The following STARD9 variants were observed in gnomAD, a reference collection of about 807,000 sequenced individuals.
The protein encoded by STARD9 is StAR related lipid transfer domain containing 9, also known as stAR-related lipid transfer protein 9.
Under a neutral mutation model 399.8 loss-of-function variants are expected in STARD9, and 346 were observed. The observed-to-expected ratio is 0.87, with a 90% CI of 0.79 to 0.95. The LOEUF (loss-of-function observed/expected upper bound fraction) is 0.95. STARD9 is among the 40% of genes least tolerant of loss of function. The pLI is 0.00. For synonymous variants in STARD9, 2,203 were observed against 2,143.5 expected (o/e 1.03, Z -0.77); for missense variants, 5,832 against 5,667.5 (o/e 1.03, Z -0.93).
Position 42,690,146 on chromosome 15 carries a change from T to C in STARD9, c.8568T>C (p.Ile2856=). The stretch of plus-strand genomic sequence containing the variant: ...GGGCAAGTCCCAAACAAGATACCAT[T>C]CTGCCTGGAGCTCTGACAAGGGTTG... The part of the protein sequence containing the change: ...EGRASPKQDT[I]LPGALTRVAL... Residue 2856 remains isoleucine (I), a synonymous_variant, in exon 23 of 33, where the codon ATT becomes ATC. Transcript: ENST00000290607. 1 of 1,537,806 alleles carries C rather than the reference T, an allele frequency of 6.5e-7. No individual in the cohort carries two copies. The highest frequency in any genetic ancestry group is 1.2e-5 in the South Asian group (1 of 84,042).
Position 42,638,068 on chromosome 15 carries a change from T to C in STARD9, c.427T>C (p.Ser143Pro). The change falls in exon 6 of 33, where the codon TCC becomes CCC. Residue 143 changes from serine to proline, a missense_variant. Around this residue, in one of 2 missense-constraint regions of STARD9, gnomAD observed 5,828 missense variants for 5,651.1 expected, o/e 1.03. Transcript: ENST00000290607. ...REKDCASLPS[S>P]CRIKVSFLEI... ...GAAAGACTGTGCCTCACTGCCTTCC[T>C]CCTGTAGGATAAAAGTAAGGTAAGA... is the stretch of plus-strand genomic sequence containing the variant. The C allele has an allele frequency of 1.3e-6, 2 of 1,537,240 alleles. No individual in the cohort carries two copies. The highest frequency in any genetic ancestry group is 1.7e-6 in the Non-Finnish European group (2 of 1,146,926).
Position 42,685,396 on chromosome 15 carries a change from G to A in STARD9, c.3818G>A (p.Ser1273Asn). 1 of 1,537,052 alleles carries A rather than the reference G, an allele frequency of 6.5e-7. No homozygotes were observed. Among genetic ancestry groups the A allele is most frequent in the Non-Finnish European group, 8.7e-7 (1 of 1,146,784 alleles). ...CTGGATGCCGTCCTGCCAATGAGCA[G>A]TTCGTTTTACCTTGATCCTCAGTTC... ...ARLDAVLPMS[S>N]SFYLDPQFQP... Residue 1273 changes from serine to asparagine, a missense_variant, in exon 23 of 33, where the codon AGT (serine) becomes AAT (asparagine). Ser to Asn is a conservative substitution (Grantham distance 46). Around this residue, in one of 2 missense-constraint regions of STARD9, gnomAD observed 5,828 missense variants for 5,651.1 expected, o/e 1.03. Coordinates refer to ENST00000290607, the MANE Select transcript of STARD9 (RefSeq NM_020759.3).
At chr15:42,622,109 A>G (rs932151273) in intron 3 of STARD9, among the ~76,000 whole-genome samples, 2 of 152,008 alleles carry the variant, frequency 1.3e-5, no homozygotes, top group African/African-American at 2.4e-5. Context: ...CTCCTAATTT[A>G]TAACTCCTTT....
In STARD9 at chr15:42,651,065, G is replaced by C. The variant is rs985617275; in HGVS notation, c.609G>C (p.Leu203Phe). The C allele has an allele frequency of 2.7e-5, 41 of 1,534,416 alleles. No homozygotes were observed. The highest frequency in any genetic ancestry group is 3.5e-5 in the Non-Finnish European group (40 of 1,145,028). The change falls in exon 8 of 33, where the codon TTG becomes TTC. Residue 203 changes from leucine (L) to phenylalanine (F), a missense_variant. Leu to Phe is a conservative substitution (Grantham distance 22). Around this residue, in one of 2 missense-constraint regions of STARD9, gnomAD observed 5,828 missense variants for 5,651.1 expected, o/e 1.03. Coordinates refer to ENST00000290607, the MANE Select transcript of STARD9 (RefSeq NM_020759.3). ...VTNYKQVIQLLEEGIANRITA... is the reference protein window; with the variant it reads ...VTNYKQVIQLFEEGIANRITA... ...ATTATAAGCAAGTAATCCAACTCTTGGAGGAGGGAATTGCAAACAGGTAAC... is the reference window on the plus strand; with the variant it reads ...ATTATAAGCAAGTAATCCAACTCTTCGAGGAGGGAATTGCAAACAGGTAAC...
Position 42,687,413 on chromosome 15 carries a change from T to G in STARD9, c.5835T>G (p.Val1945=). Residue 1945 remains valine (V), a synonymous_variant, in exon 23 of 33, where the codon GTT becomes GTG. Transcript: ENST00000290607. Reference sequence around the variant, plus strand: ...AAGACATGCCAGGGGAAAGTGCTGTTTCTTTGAAATCCAGATCAGTAGATC... The same window carrying G: ...AAGACATGCCAGGGGAAAGTGCTGTGTCTTTGAAATCCAGATCAGTAGATC... ...LEKDMPGESA[V]SLKSRSVDRR... The G allele has an allele frequency of 6.5e-7, 1 of 1,537,060 alleles. No individual in the cohort carries two copies. Among genetic ancestry groups the G allele is most frequent in the South Asian group, 1.2e-5 (1 of 84,064 alleles).
In STARD9 at chr15:42,689,895, C is replaced by T. The variant is rs969419398; in HGVS notation, c.8317C>T (p.Pro2773Ser). ...TCCGCAGGAGACTGCAGAGGGCATA[C>T]CCCCTGGCAGTCAGGACAGCAGCCC... Reference protein sequence around the residue: ...SVPQETAEGIPPGSQDSSPEH... With the variant: ...SVPQETAEGISPGSQDSSPEH... The change falls in exon 23 of 33, where the codon CCC becomes TCC. Residue 2773 changes from proline to serine, a missense_variant. This residue lies in a region of STARD9 where 5,828 missense variants were observed against 5,651.1 expected (regional missense o/e 1.03). Coordinates refer to ENST00000290607, the MANE Select transcript of STARD9 (RefSeq NM_020759.3). 12 of 1,537,462 alleles carry T rather than the reference C, an allele frequency of 7.8e-6. No homozygotes were observed. The highest frequency in any genetic ancestry group is 1.4e-5 in the African/African-American group (1 of 73,028).
chr15:42,648,763 C>A (rs1447782776), intron 7 of STARD9, among the ~76,000 whole-genome samples: 1 of 151,954 alleles, frequency 6.6e-6, no homozygotes, highest in Non-Finnish European at 1.5e-5. Context: ...TTTTTTCCCC[C>A]CTTCCCTCCA....
At chr15:42,673,471 G>T (rs537892522) in intron 16 of STARD9, among the ~76,000 whole-genome samples, 3 of 152,236 alleles carry the variant, frequency 2.0e-5, no homozygotes, top group Admixed American at 1.3e-4. Flanking sequence ...CGAAAAAGCT[G>T]CAGGGGCTTA....
In STARD9 at chr15:42,647,831, A is replaced by G. The variant is rs562202651; in HGVS notation, c.560-3185A>G. On this transcript the variant is annotated intron_variant, in intron 7 of 32. Coordinates refer to ENST00000290607, the MANE Select transcript of STARD9 (RefSeq NM_020759.3). The stretch of plus-strand genomic sequence containing the variant: ...TTTCGTTACTTTGTCTTTTGGTTTG[A>G]TAACTTTAAAAAATTATTCCATATT... Among the ~76,000 whole-genome samples, 13 of 152,136 alleles carry G rather than the reference A, an allele frequency of 8.5e-5. No homozygotes were observed. The East Asian group carries it at 2.3e-3, about 27-fold the overall frequency.
chr15:42,584,130 G>A (rs1263706824), intron 2 of STARD9, among the ~76,000 whole-genome samples: 1 of 151,980 alleles, frequency 6.6e-6, no homozygotes, highest in Non-Finnish European at 1.5e-5. Flanking sequence ...CTGACCATGT[G>A]ACTTTTGCTA....
chr15:42,599,622 G>A (rs923389497), intron 3 of STARD9, among the ~76,000 whole-genome samples: 14 of 152,272 alleles, frequency 9.2e-5, no homozygotes, highest in African/African-American at 3.1e-4. Context: ...TAAAGTTAAT[G>A]CTCTTTGGAT....
intron 3 of STARD9, among the ~76,000 whole-genome samples, chr15:42,625,971 G>C (rs2059199106): frequency 6.6e-6 from 1 of 151,376 alleles, no homozygotes; most frequent in African/African-American, 2.4e-5. Flanking sequence ...GCCCAGGCTG[G>C]AGCACAGTGG....
intron 3 of STARD9, among the ~76,000 whole-genome samples, chr15:42,608,019 A>C (rs752286408): frequency 1.6e-4 from 25 of 152,002 alleles, no homozygotes; most frequent in Middle Eastern, 3.4e-3. Context: ...TCTCTTTTCC[A>C]TTATCTTATT....
At chr15:42,583,078 C>A (rs9783683) in intron 1 of STARD9, among the ~76,000 whole-genome samples, 81,851 of 152,096 alleles carry the variant, frequency 0.54, 27,094 homozygotes, top group Non-Finnish European at 0.72. Flanking sequence ...AGATGAAGAA[C>A]AATATGTAGT....
chr15:42,644,264 C>T (rs976738098), intron 7 of STARD9, among the ~76,000 whole-genome samples: 2 of 152,172 alleles, frequency 1.3e-5, no homozygotes, highest in African/African-American at 4.8e-5. Context: ...GAGGCTGAGG[C>T]AGGCAGATCA....
Position 42,655,634 on chromosome 15 carries a change from C to T in STARD9, c.702+3042C>T, listed in dbSNP as rs952392728. On this transcript the variant is annotated intron_variant, in intron 9 of 32. Transcript: ENST00000290607. Reference sequence around the variant, plus strand: ...TATAAGACCTGAAACCATAAAAATTCTAGAAGATAACATTGGAAAAATCCT... The same window carrying T: ...TATAAGACCTGAAACCATAAAAATTTTAGAAGATAACATTGGAAAAATCCT... Among the ~76,000 whole-genome samples the T allele has an allele frequency of 1.6e-4, 24 of 152,260 alleles. No homozygotes were observed. The East Asian group carries it at 4.2e-3, about 27-fold the overall frequency.
At chr15:42,649,374 A>G (rs766573983) in intron 7 of STARD9, among the ~76,000 whole-genome samples, 107 of 152,134 alleles carry the variant, frequency 7.0e-4, no homozygotes, top group Middle Eastern at 6.8e-3. Flanking sequence ...AATTTTGAGT[A>G]TGTTTCTGAT....
intron 2 of STARD9, among the ~76,000 whole-genome samples, chr15:42,583,816 T>C (rs7168835): frequency 0.54 from 82,808 of 152,002 alleles, 27,696 homozygotes; most frequent in East Asian, 0.76. Context: ...AGAGACATTA[T>C]TAGGCATTGT....
At chr15:42,577,246 C>T (rs1013209843) in intron 1 of STARD9, among the ~76,000 whole-genome samples, 1 of 152,080 alleles carries the variant, frequency 6.6e-6, no homozygotes, top group Non-Finnish European at 1.5e-5. Flanking sequence ...CTCCGCCTCC[C>T]GGGTTCACGC....
Sources: gnomAD v4.1 joint callset for allele counts (sites outside exome capture counted in the v4.1 genomes callset) on GRCh38, gnomAD v4.1.1 for gene constraint, gnomAD v4.1.1 regional missense constraint, MANE v1.5 for transcripts, NCBI Gene and HGNC (gene_info 2026-07-23, HGNC 2026-07-21) for gene names.